The following CADPS2 variants were observed in gnomAD, a reference collection of about 807,000 sequenced individuals.
The protein encoded by CADPS2 is calcium dependent secretion activator 2, also known as calcium-dependent secretion activator 2.
In CADPS2, 93 loss-of-function variants were observed where a neutral mutation model predicts 172.5. That is an observed-to-expected ratio of 0.54 (90% CI 0.46 to 0.64). The LOEUF is 0.64. CADPS2 is among the 30% of genes least tolerant of loss of function. The probability of loss-of-function intolerance (pLI) is 0.00; values close to 1 mark genes in which losing one functional copy is unlikely to be tolerated. For missense variants in CADPS2, 1,420 were observed against 1,565.9 expected (o/e 0.91, Z 1.57); for synonymous variants, 546 against 555.2 (o/e 0.98, Z 0.23).
chr7:122,425,124 G>A (rs540123513), intron 17 of CADPS2, among the ~76,000 whole-genome samples: 2 of 152,066 alleles, frequency 1.3e-5, no homozygotes, highest in Non-Finnish European at 2.9e-5. Context: ...GTAGCTGGAG[G>A]AGTGCACCAC....
intron 9 of CADPS2, among the ~76,000 whole-genome samples, chr7:122,509,266 G>A (rs375603217): frequency 3.9e-5 from 6 of 152,138 alleles, no homozygotes; most frequent in African/African-American, 1.4e-4. Flanking sequence ...CCCACTAACA[G>A]AGTGCCTCTC....
At chr7:122,836,125 C>G (rs1006666829) in intron 1 of CADPS2, among the ~76,000 whole-genome samples, 1 of 152,160 alleles carries the variant, frequency 6.6e-6, no homozygotes, top group Non-Finnish European at 1.5e-5. Flanking sequence ...GGCCAATATT[C>G]AACATTCTTA....
At chr7:122,402,945 G>C (rs553104407) in intron 20 of CADPS2, among the ~76,000 whole-genome samples, 1 of 152,286 alleles carries the variant, frequency 6.6e-6, no homozygotes, top group South Asian at 2.1e-4. Flanking sequence ...GGTAAAAACT[G>C]TAATGCCATG....
chr7:122,364,933 A>G (rs950187876), intron 25 of CADPS2, among the ~76,000 whole-genome samples: 1 of 152,178 alleles, frequency 6.6e-6, no homozygotes, highest in Non-Finnish European at 1.5e-5. Context: ...AGCTGAAACC[A>G]GAAGAAGGAA....
At chr7:122,716,640 G>A (rs1264560582) in intron 2 of CADPS2, among the ~76,000 whole-genome samples, 1 of 152,068 alleles carries the variant, frequency 6.6e-6, no homozygotes, top group African/African-American at 2.4e-5. Context: ...TAACAAACCT[G>A]CACGTTGTGC....
intron 1 of CADPS2, among the ~76,000 whole-genome samples, chr7:122,789,227 C>T (rs1165531166): frequency 6.6e-6 from 1 of 152,050 alleles, no homozygotes. Context: ...TGCAGAATGC[C>T]AACTACAGCA....
chr7:122,835,071 C>G (rs1268592781), intron 1 of CADPS2, among the ~76,000 whole-genome samples: 1 of 152,134 alleles, frequency 6.6e-6, no homozygotes, highest in African/African-American at 2.4e-5. Context: ...GTTTGGGTAC[C>G]CCTCTGAGAC....
chr7:122,348,969 G>T (rs1176918745), intron 27 of CADPS2, among the ~76,000 whole-genome samples: 1 of 152,082 alleles, frequency 6.6e-6, no homozygotes, highest in Non-Finnish European at 1.5e-5. Flanking sequence ...TTTTATTATG[G>T]TGGTAAAATT....
At chr7:122,841,617 C>T (rs112513492) in intron 1 of CADPS2, among the ~76,000 whole-genome samples, 160 of 152,060 alleles carry the variant, frequency 1.1e-3, no homozygotes, top group African/African-American at 3.6e-3. Flanking sequence ...AGCTTTGCCG[C>T]AAGAGTAGGA....
chr7:122,804,598 C>A (rs1223345854), intron 1 of CADPS2, among the ~76,000 whole-genome samples: 4 of 152,044 alleles, frequency 2.6e-5, no homozygotes, highest in Non-Finnish European at 4.4e-5. Context: ...GAAAAAGATG[C>A]GAAATTTAAG....
At chr7:122,746,284 T>C (rs1327147777) in intron 1 of CADPS2, among the ~76,000 whole-genome samples, 8 of 152,156 alleles carry the variant, frequency 5.3e-5, no homozygotes, top group Admixed American at 3.3e-4. Flanking sequence ...CATGCAGCTA[T>C]TGAGCACTTG....
chr7:122,863,768 G>C (rs1459475768), intron 1 of CADPS2, among the ~76,000 whole-genome samples: 1 of 151,956 alleles, frequency 6.6e-6, no homozygotes, highest in Non-Finnish European at 1.5e-5. Context: ...AGTGGCTCAT[G>C]CCTATAATCC....
At chr7:122,445,397 G>A (rs541028980) in intron 15 of CADPS2, among the ~76,000 whole-genome samples, 4 of 152,084 alleles carry the variant, frequency 2.6e-5, no homozygotes, top group African/African-American at 9.6e-5. Context: ...ACTATTCAGT[G>A]TACATGTTTT....
intron 11 of CADPS2, among the ~76,000 whole-genome samples, chr7:122,489,744 A>G (rs1281672314): frequency 6.6e-6 from 1 of 152,140 alleles, no homozygotes; most frequent in Non-Finnish European, 1.5e-5. Context: ...ATTTTGCAAT[A>G]CTTTTTCCAT....
At chr7:122,419,695 C>G (rs920698442) in intron 17 of CADPS2, among the ~76,000 whole-genome samples, 1 of 151,944 alleles carries the variant, frequency 6.6e-6, no homozygotes, top group Non-Finnish European at 1.5e-5. Context: ...CTATGCCTCC[C>G]ATAAATATTG....
chr7:122,558,783 T>C (rs1343455722), intron 7 of CADPS2, among the ~76,000 whole-genome samples: 1 of 152,198 alleles, frequency 6.6e-6, no homozygotes, highest in Non-Finnish European at 1.5e-5. Flanking sequence ...ATTGTTTCTT[T>C]TCTACTGAGA....
intron 1 of CADPS2, among the ~76,000 whole-genome samples, chr7:122,752,590 T>C (rs1328234224): frequency 2.6e-5 from 4 of 152,156 alleles, no homozygotes; most frequent in Non-Finnish European, 5.9e-5. Flanking sequence ...CCCAAAGACA[T>C]AGATGTGATA....
At chr7:122,699,042 G>T in intron 2 of CADPS2, 1 of 668,104 alleles carries the variant, frequency 1.5e-6, no homozygotes, top group Non-Finnish European at 2.5e-6. Flanking sequence ...CTTCCAGCAT[G>T]TTTTTGTAAG....
chr7:122,791,079 G>A (rs1447565432), intron 1 of CADPS2, among the ~76,000 whole-genome samples: 2 of 152,054 alleles, frequency 1.3e-5, no homozygotes, highest in Non-Finnish European at 2.9e-5. Context: ...AAACGTTGTG[G>A]GCCATGCTGA....
Sources: gnomAD v4.1 joint callset for allele counts (sites outside exome capture counted in the v4.1 genomes callset) on GRCh38, gnomAD v4.1.1 for gene constraint, MANE v1.5 for transcripts, NCBI Gene and HGNC (gene_info 2026-07-23, HGNC 2026-07-21) for gene names.